CCT5: variants seen among roughly 807,000 people sequenced by gnomAD.
CCT5 encodes the protein chaperonin containing TCP1 subunit 5.
A neutral mutation model predicts 55.0 loss-of-function variants in CCT5; 6 were observed. The observed-to-expected ratio is 0.11, with a 90% CI of 0.06 to 0.22. The LOEUF is 0.22. Ranked by LOEUF, CCT5 falls within the 10% of genes least tolerant of loss-of-function variation. The pLI, the probability that CCT5 is intolerant of heterozygous loss-of-function variation, is 1.00. For missense variants in CCT5, 560 were observed against 694.6 expected (o/e 0.81, Z 2.18); for synonymous variants, 231 against 243.7 (o/e 0.95, Z 0.49).
At chr5:10,250,223 C>G, upstream of CCT5, 1 of 1,562,964 alleles carries the variant, frequency 6.4e-7, no homozygotes, top group Non-Finnish European at 8.7e-7. Flanking sequence ...AACATAAGTC[C>G]CGCGCGTCTT....
Position 10,265,626 on chromosome 5 carries a change from T to G in CCT5, c.*843T>G, listed in dbSNP as rs1053162749. The G allele has an allele frequency of 6.6e-6, 1 of 152,164 alleles. No individual in the cohort carries two copies. Among genetic ancestry groups the G allele is most frequent in the Non-Finnish European group, 1.5e-5 (1 of 68,044 alleles). The allele number at this position is 152,164 out of a possible 1,614,324, so 9.4% of individuals were successfully genotyped here. A position where few individuals can be genotyped will look rare whatever the true frequency, so the allele number is the denominator to read the frequency against. On this transcript the variant is annotated 3_prime_UTR_variant, in exon 11 of 11. Transcript: ENST00000280326. ...AGAACTCTACCGGGATTGTCTGTTC[T>G]GACAACCCAGTGAGGCAGATACACT...
rs577765281 is a variant in CCT5 at position 10,264,987 on chromosome 5, T to C, written c.*204T>C. ...ACCATCTCAACTGCTTTTGTATTCATTGTATTAAAAGAATCTGTTTAAACA... is the reference window on the plus strand; with the variant it reads ...ACCATCTCAACTGCTTTTGTATTCACTGTATTAAAAGAATCTGTTTAAACA... On this transcript the variant is annotated 3_prime_UTR_variant, in exon 11 of 11. Transcript: ENST00000280326. The C allele has an allele frequency of 5.1e-6, 3 of 587,758 alleles. No homozygotes were observed. Among genetic ancestry groups the C allele is most frequent in the Admixed American group, 3.2e-5 (1 of 31,338 alleles). The allele number at this position is 587,758 out of a possible 1,614,324, so 36.4% of individuals were successfully genotyped here.
chr5:10,262,623 G>A lies in CCT5; in HGVS notation c.1317+5G>A, dbSNP rs1315150748. The A allele has an allele frequency of 6.2e-7, 1 of 1,613,988 alleles. No individual in the cohort carries two copies. Among genetic ancestry groups the A allele is most frequent in the East Asian group, 2.2e-5 (1 of 44,898 alleles). On this transcript the variant is annotated splice_donor_5th_base_variant and intron_variant, in intron 9 of 10. Coordinates refer to ENST00000280326, the MANE Select transcript of CCT5 (RefSeq NM_012073.5). The stretch of plus-strand genomic sequence containing the variant: ...GTTAGCCAAGAGGCGGATAAGGTAA[G>A]GGATCTGTGCAGACTTAGTGAAAGA...
rs1179611565 is a variant in CCT5, at chr5:10,265,268, T to TA, written c.*486dup. The stretch of plus-strand genomic sequence containing the variant: ...AATTATGGGATGCCTTAAGTGCTGT[T>TA]ACTAGGTTGCTCACAGCCTAACCTG... On this transcript the variant is annotated 3_prime_UTR_variant, in exon 11 of 11. Transcript: ENST00000280326. 5.8e-6 allele frequency: 1 copy of TA among 173,856 alleles called. No individual in the cohort carries two copies. Among genetic ancestry groups the TA allele is most frequent in the African/African-American group, 2.4e-5 (1 of 41,640 alleles). 10.8% of individuals were successfully genotyped at this position (173,856 alleles called of 1,614,324 possible). A position where few individuals can be genotyped will look rare whatever the true frequency, so the allele number is the denominator to read the frequency against.
intron 4 of CCT5, 64 bp downstream of exon 4, chr5:10,256,217 A>T: frequency 7.3e-7 from 1 of 1,365,874 alleles, no homozygotes; most frequent in Non-Finnish European, 1.0e-6. Flanking sequence ...GCCATTTCTT[A>T]AAGGCAACAC....
intron 9 of CCT5, 85 bp from the exon 10 acceptor site, chr5:10,263,049 G>T (rs753723490): frequency 2.0e-4 from 221 of 1,109,694 alleles, no homozygotes; most frequent in Middle Eastern, 1.0e-3. Context: ...ACTTTTCAAA[G>T]TATGTGATAC....
At chr5:10,249,987 A>C, upstream of CCT5, 1 of 1,546,776 alleles carries the variant, frequency 6.5e-7, no homozygotes, top group Middle Eastern at 1.7e-4. Context: ...GAAATAAAGA[A>C]ATAGTGCTTT....
At chr5:10,262,418 A>G (rs2030088245) in intron 8 of CCT5, 63 bp from the exon 9 acceptor site, 1 of 1,589,362 alleles carries the variant, frequency 6.3e-7, no homozygotes, top group African/African-American at 1.3e-5. Flanking sequence ...AAGGTGCCAG[A>G]TACTTGGCTC....
Position 10,254,466 on chromosome 5 carries a change from A to G in CCT5, c.167-208A>G, listed in dbSNP as rs1012231005. The G allele has an allele frequency of 2.1e-5, 13 of 625,440 alleles. No individual in the cohort carries two copies. The East Asian group carries it at 2.7e-4, about 13-fold the overall frequency. 38.7% of individuals were successfully genotyped at this position (625,440 alleles called of 1,614,324 possible). A position where few individuals can be genotyped will look rare whatever the true frequency, so the allele number is the denominator to read the frequency against. On this transcript the variant is annotated intron_variant, in intron 2 of 10. Transcript: ENST00000280326. Reference sequence around the variant, plus strand: ...AAATCATAGTTGTCTTTTGAGATTAACATTATACTTAATGATGCTCCATAA... The same window carrying G: ...AAATCATAGTTGTCTTTTGAGATTAGCATTATACTTAATGATGCTCCATAA...
chr5:10,262,324 T>C, intron 8 of CCT5, 157 bp from the exon 9 acceptor site: 1 of 812,482 alleles, frequency 1.2e-6, no homozygotes. Context: ...TTAACTACAT[T>C]GCAGGAAGGA....
At position 10,265,189 on chromosome 5, in the gene CCT5, A is replaced by C; in HGVS notation, c.*406A>C. The C allele has an allele frequency of 4.7e-6, 1 of 210,936 alleles. No individual in the cohort carries two copies. Among genetic ancestry groups the C allele is most frequent in the Non-Finnish European group, 9.6e-6 (1 of 104,010 alleles). The allele number at this position is 210,936 out of a possible 1,614,324, so 13.1% of individuals were successfully genotyped here. On this transcript the variant is annotated 3_prime_UTR_variant, in exon 11 of 11. Transcript: ENST00000280326. ...TCATATTGAGAGGAATATGGGCTTGATCCTCTTCCTATCTAAATGGGTGGG... is the reference window on the plus strand; with the variant it reads ...TCATATTGAGAGGAATATGGGCTTGCTCCTCTTCCTATCTAAATGGGTGGG...
Position 10,257,911 on chromosome 5 carries a change from A to G in CCT5, c.531-200A>G, listed in dbSNP as rs1561047947. 36 of 620,152 alleles carry G rather than the reference A, an allele frequency of 5.8e-5. No homozygotes were observed. The South Asian group carries it at 6.6e-4, about 11-fold the overall frequency. 38.4% of individuals were successfully genotyped at this position (620,152 alleles called of 1,614,324 possible). On this transcript the variant is annotated intron_variant, in intron 4 of 10. Coordinates refer to ENST00000280326, the MANE Select transcript of CCT5 (RefSeq NM_012073.5). ...ATGTAATTTTTTCCTATCTAAGTAT[A>G]CAGTCCCCTTTAGGGCCCATGGATC... is the stretch of plus-strand genomic sequence containing the variant.
Position 10,260,337 on chromosome 5 carries a change from G to T in CCT5, c.874-455G>T, listed in dbSNP as rs1273315895. On this transcript the variant is annotated intron_variant, in intron 6 of 10. Coordinates refer to ENST00000280326, the MANE Select transcript of CCT5 (RefSeq NM_012073.5). Reference sequence around the variant, plus strand: ...CTGTGAGTGCCCGAATTAGTTTATGGATCCACTGAGGATTGTCCACTCAGG... The same window carrying T: ...CTGTGAGTGCCCGAATTAGTTTATGTATCCACTGAGGATTGTCCACTCAGG... Among the ~76,000 whole-genome samples, 3 of 152,220 alleles carry T rather than the reference G, an allele frequency of 2.0e-5. No individual in the cohort carries two copies. The East Asian group carries it at 5.8e-4, about 29-fold the overall frequency.
rs771418766 is a variant in CCT5, at chr5:10,258,548, AG to A, written c.873+14del. On this transcript the variant is annotated intron_variant, in intron 6 of 10. Transcript: ENST00000280326. ...GATGATTCAACAAGTAAGTCTTACC[AG>A]AGTCCTCAGTGGAATTTAAACTCCC... 5 of 1,610,010 alleles carry A rather than the reference AG, an allele frequency of 3.1e-6. No homozygotes were observed. Among genetic ancestry groups the A allele is most frequent in the South Asian group, 1.1e-5 (1 of 90,998 alleles).
At chr5:10,250,040 T>G, upstream of CCT5, 1 of 1,534,884 alleles carries the variant, frequency 6.5e-7, no homozygotes, top group Non-Finnish European at 8.7e-7. Flanking sequence ...CGAGAAACTA[T>G]CAGTGGTAAC....
intron 1 of CCT5, among the ~76,000 whole-genome samples, chr5:10,252,915 T>A (rs1256461126): frequency 6.6e-6 from 1 of 152,096 alleles, no homozygotes; most frequent in Non-Finnish European, 1.5e-5. Flanking sequence ...TGCCTCTTGC[T>A]TTCTCCTTAA....
At chr5:10,257,916 C>T (rs962824032) in intron 4 of CCT5, 195 bp from the exon 5 acceptor site, 11 of 627,254 alleles carry the variant, frequency 1.8e-5, no homozygotes, top group Admixed American at 1.6e-4. Context: ...AGTATACAGT[C>T]CCCTTTAGGG....
chr5:10,256,048 G>A lies in CCT5; in HGVS notation c.425G>A (p.Arg142His), dbSNP rs200433052. ...GCCGATGGCTATGAGCAGGCTGCTC[G>A]TGTTGCTATTGAACACCTGGACAAG... is the stretch of plus-strand genomic sequence containing the variant. ...RIADGYEQAA[R>H]VAIEHLDKIS... Residue 142 changes from arginine (R) to histidine (H), a missense_variant, in exon 4 of 11, where the codon CGT becomes CAT. Coordinates refer to ENST00000280326, the MANE Select transcript of CCT5 (RefSeq NM_012073.5). 2.2e-5 allele frequency: 36 copies of A among 1,614,032 alleles called. No homozygotes were observed. The highest frequency in any genetic ancestry group is 1.3e-4 in the African/African-American group (10 of 75,048).
intron 8 of CCT5, 109 bp from the exon 9 acceptor site, chr5:10,262,372 A>G (rs905444542): frequency 7.4e-5 from 86 of 1,167,792 alleles, no homozygotes; most frequent in Non-Finnish European, 1.0e-4. Context: ...AGTGGAGGCC[A>G]TCTAAATATT....
Sources: allele counts gnomAD v4.1 joint callset (sites outside exome capture counted in the v4.1 genomes callset), GRCh38; gene constraint gnomAD v4.1.1; transcripts MANE v1.5; gene names NCBI Gene and HGNC (gene_info 2026-07-23, HGNC 2026-07-21).